TPX2: variants seen among roughly 807,000 people sequenced by gnomAD.
The protein encoded by TPX2 is TPX2 microtubule nucleation factor, also known as targeting protein for Xklp2.
Under a neutral mutation model 93.6 loss-of-function variants are expected in TPX2, and 21 were observed. The ratio of observed to expected loss-of-function variants is 0.22; its 90% CI spans 0.16 to 0.32. TPX2 has a LOEUF of 0.32. TPX2 is among the 10% of genes least tolerant of loss of function. TPX2 has a pLI of 1.00. For synonymous variants in TPX2, 281 were observed against 298.3 expected, an observed-to-expected ratio of 0.94 and a Z score of 0.60; for missense variants, 776 against 871.1, an observed-to-expected ratio of 0.89 and a Z score of 1.37.
chr20:31,741,916 TA>T (rs2061755632), intron 1 of TPX2, among the ~76,000 whole-genome samples: 1 of 151,546 alleles, frequency 6.6e-6, no homozygotes, highest in South Asian at 2.1e-4. Context: ...TGCCTGGCCT[TA>T]GAGAGATTTC....
At chr20:31,741,299 T>TTTTTTG (rs1281623820) in intron 1 of TPX2, among the ~76,000 whole-genome samples, 3 of 152,010 alleles carry the variant, frequency 2.0e-5, no homozygotes, top group East Asian at 1.9e-4. Flanking sequence ...TAGAGTTGTT[T>TTTTTTG]TTTTTGTTTT....
chr20:31,770,033 C>G (rs1453605749), intron 5 of TPX2, among the ~76,000 whole-genome samples: 1 of 152,110 alleles, frequency 6.6e-6, no homozygotes, highest in Non-Finnish European at 1.5e-5. Context: ...CTCCTGGCCT[C>G]AAGCAGTCCT....
intron 13 of TPX2, among the ~76,000 whole-genome samples, chr20:31,793,571 A>G (rs1452130449): frequency 6.6e-6 from 1 of 152,124 alleles, no homozygotes; most frequent in African/African-American, 2.4e-5. Context: ...GTTGGGACCG[A>G]TCTTCTGATG....
At chr20:31,766,710 G>T (rs2123011576) in intron 5 of TPX2, 28 bp downstream of exon 5, 1 of 1,601,214 alleles carries the variant, frequency 6.2e-7, no homozygotes, top group Non-Finnish European at 8.5e-7. Context: ...CAAAGTGGTG[G>T]TTATGATAAT....
intron 17 of TPX2, among the ~76,000 whole-genome samples, chr20:31,798,907 A>C (rs2062153954): frequency 6.6e-6 from 1 of 152,236 alleles, no homozygotes; most frequent in Admixed American, 6.5e-5. Context: ...TTTCATAAGG[A>C]GGACAACATG....
intron 12 of TPX2, among the ~76,000 whole-genome samples, chr20:31,788,417 CAAAA>C (rs11356550): frequency 1.5e-5 from 1 of 68,674 alleles, no homozygotes; most frequent in Admixed American, 1.6e-4. Context: ...GACTCTGTCT[CAAAA>C]AAAAAAAAAA....
At position 31,779,040 on chromosome 20, in the gene TPX2, T is replaced by C. The variant is rs1445346384; in HGVS notation, c.1054+56T>C. On this transcript the variant is annotated intron_variant, in intron 10 of 17. Coordinates refer to ENST00000300403, the MANE Select transcript of TPX2 (RefSeq NM_012112.5). ...GGAACCTCTCCTACATTCCCTCTGC[T>C]TACATCTTAGGCACAGATTTGTCTT... 4 of 1,487,710 alleles carry C rather than the reference T, an allele frequency of 2.7e-6. No homozygotes were observed. In the African/African-American group the frequency reaches 5.6e-5, roughly 21 times the overall value. 92.2% of individuals were successfully genotyped at this position (1,487,710 alleles called of 1,614,324 possible). A position where few individuals can be genotyped will look rare whatever the true frequency, so the allele number is the denominator to read the frequency against.
Position 31,763,592 on chromosome 20 carries a change from TTTATC to T in TPX2, c.230-2961_230-2957del, listed in dbSNP as rs2084690845. On this transcript the variant is annotated intron_variant, in intron 4 of 17. Coordinates refer to ENST00000300403, the MANE Select transcript of TPX2 (RefSeq NM_012112.5). ...CAGACTGTAATTATGGATTTGTCTC[TTTATC>T]TTTATAATTTTTGCTTCATATAGTT... 2.6e-5 allele frequency among the ~76,000 whole-genome samples: 4 copies of T among 152,324 alleles called. No individual in the cohort carries two copies. In the South Asian group the frequency reaches 8.3e-4, roughly 32 times the overall value.
chr20:31,747,627 T>A (rs2122952614), intron 2 of TPX2, among the ~76,000 whole-genome samples: 1 of 152,288 alleles, frequency 6.6e-6, no homozygotes, highest in Middle Eastern at 3.4e-3. Context: ...TATTGGTCAT[T>A]AATAGCTATT....
rs148900301 is a variant in TPX2 at position 31,751,427 on chromosome 20, G to T, written c.-70-5980G>T. On this transcript the variant is annotated intron_variant, in intron 2 of 17. Coordinates refer to ENST00000300403, the MANE Select transcript of TPX2 (RefSeq NM_012112.5). ...CTAGCATATTTGTTCACAAGAAAAG[G>T]AAAATTTCCTCCTTGCAGCAAGGGG... 8.9e-4 allele frequency among the ~76,000 whole-genome samples: 136 copies of T among 152,166 alleles called. 3 individuals carry two copies. The East Asian group carries it at 0.022, about 25-fold the overall frequency.
chr20:31,799,112 T>TA (rs2062155066), intron 17 of TPX2, among the ~76,000 whole-genome samples: 1 of 152,222 alleles, frequency 6.6e-6, no homozygotes, highest in Non-Finnish European at 1.5e-5. Context: ...TCCTTGGAGT[T>TA]ACAGTGTTCG....
At chr20:31,794,298 G>A in intron 14 of TPX2, 104 bp from the exon 15 acceptor site, 1 of 1,446,132 alleles carries the variant, frequency 6.9e-7, no homozygotes, top group Non-Finnish European at 9.3e-7. Context: ...ATGCTGCTTT[G>A]AAAGGTTTCC....
At chr20:31,746,967 A>T (rs1005525332) in intron 2 of TPX2, among the ~76,000 whole-genome samples, 1 of 152,188 alleles carries the variant, frequency 6.6e-6, no homozygotes, top group Non-Finnish European at 1.5e-5. Flanking sequence ...TATTTTTTAC[A>T]TCAGGAAACC....
chr20:31,795,829 A>G (rs2062135326), intron 15 of TPX2, among the ~76,000 whole-genome samples: 1 of 152,246 alleles, frequency 6.6e-6, no homozygotes, highest in African/African-American at 2.4e-5. Context: ...ATCTAATTCT[A>G]CGTGGCTGGA....
At chr20:31,767,123 A>G (rs2061932786) in intron 5 of TPX2, among the ~76,000 whole-genome samples, 1 of 152,038 alleles carries the variant, frequency 6.6e-6, no homozygotes, top group Non-Finnish European at 1.5e-5. Flanking sequence ...AAAAATCCTC[A>G]TAATATGGGT....
chr20:31,791,849 G>A (rs1183746794), intron 12 of TPX2, among the ~76,000 whole-genome samples: 10 of 152,150 alleles, frequency 6.6e-5, no homozygotes, highest in African/African-American at 1.2e-4. Flanking sequence ...CGATCTGGCC[G>A]TACACTTCAT....
At position 31,786,906 on chromosome 20, in the gene TPX2, C is replaced by T. The variant is rs141631023; in HGVS notation, c.1413+2985C>T. Among the ~76,000 whole-genome samples, 15 of 152,098 alleles carry T rather than the reference C, an allele frequency of 9.9e-5. No homozygotes were observed. The East Asian group carries it at 2.5e-3, about 26-fold the overall frequency. ...TGCAAAGCACTAGGTAAGGTGTGAC[C>T]GAATTGATACGATTTGCGGAATGGA... On this transcript the variant is annotated intron_variant, in intron 12 of 17. Coordinates refer to ENST00000300403, the MANE Select transcript of TPX2 (RefSeq NM_012112.5).
At chr20:31,768,419 G>A (rs1287542786) in intron 5 of TPX2, among the ~76,000 whole-genome samples, 3 of 107,778 alleles carry the variant, frequency 2.8e-5, no homozygotes, top group Admixed American at 9.2e-5. Context: ...TTTTTTTTTT[G>A]TATTTTTAGT....
At chr20:31,778,776 T>G (rs2062017125) in intron 9 of TPX2, 37 bp from the exon 10 acceptor site, 1 of 1,516,102 alleles carries the variant, frequency 6.6e-7, no homozygotes, top group Non-Finnish European at 8.8e-7. Context: ...AGCTCTTCCG[T>G]GACATTTCAT....
Sources: gnomAD v4.1 joint callset for allele counts (sites outside exome capture counted in the v4.1 genomes callset) on GRCh38, gnomAD v4.1.1 for gene constraint, MANE v1.5 for transcripts, NCBI Gene and HGNC (gene_info 2026-07-23, HGNC 2026-07-21) for gene names.